The following DESI1 variants were observed in gnomAD, a reference collection of about 807,000 sequenced individuals.
The protein encoded by DESI1 is desumoylating isopeptidase 1.
In DESI1, 17 loss-of-function variants were observed where a neutral mutation model predicts 22.4. That is an observed-to-expected ratio of 0.76 (90% CI 0.52 to 1.14). The LOEUF is 1.14. Ranked by LOEUF, DESI1 falls within the 50% of genes most tolerant of loss-of-function variation. The probability of loss-of-function intolerance (pLI) is 0.00; values close to 1 mark genes in which losing one functional copy is unlikely to be tolerated. For missense variants in DESI1, 177 were observed against 208.9 expected (o/e 0.85, Z 0.94); for synonymous variants, 92 against 84.2 (o/e 1.09, Z -0.51).
chr22:41,603,897 T>A lies in DESI1; in HGVS notation c.290+147A>T, dbSNP rs2067463479. ...AACTTAGAGCTTTTTGTAGCATAAC[T>A]GCCTTTTCTTCATGTTAATTCAGCA... On this transcript the variant is annotated intron_variant, in intron 4 of 5. Coordinates refer to ENST00000263256, the MANE Select transcript of DESI1 (RefSeq NM_015704.3). 7.7e-6 allele frequency: 5 copies of A among 645,260 alleles called. No homozygotes were observed. In the South Asian group the frequency reaches 8.8e-5, roughly 11 times the overall value. The allele number at this position is 645,260 out of a possible 1,614,324, so 40.0% of individuals were successfully genotyped here.
chr22:41,615,037 G>A (rs1263409349), intron 1 of DESI1, among the ~76,000 whole-genome samples: 1 of 151,424 alleles, frequency 6.6e-6, no homozygotes, highest in Non-Finnish European at 1.5e-5. Context: ...AGTGGCTCAC[G>A]CCTGTAATCC....
rs1411943006 is a variant in DESI1 at position 41,607,268 on chromosome 22, G to A, written c.174C>T (p.Cys58=). The A allele has an allele frequency of 1.2e-6, 2 of 1,609,426 alleles. No homozygotes were observed. Among genetic ancestry groups the A allele is most frequent in the Admixed American group, 1.7e-5 (1 of 59,510 alleles). The stretch of plus-strand genomic sequence containing the variant: ...TGTAGGGGAAGACACTCACCGGGGG[G>A]CAGCTGGAGATACCACCACTGCCGA... ...FFFGSGGISS[C]PPGGTLLGPP... The change falls in exon 3 of 6, where the codon TGC becomes TGT. Residue 58 remains cysteine, a synonymous_variant. Coordinates refer to ENST00000263256, the MANE Select transcript of DESI1 (RefSeq NM_015704.3).
In DESI1 at chr22:41,598,773, CAG is replaced by C. The variant is rs1314947857; in HGVS notation, c.*2322_*2323del. 6.6e-6 allele frequency: 1 copy of C among 152,352 alleles called. No homozygotes were observed. Among genetic ancestry groups the C allele is most frequent in the African/African-American group, 2.4e-5 (1 of 41,450 alleles). The allele number at this position is 152,352 out of a possible 1,614,324, so 9.4% of individuals were successfully genotyped here. A position where few individuals can be genotyped will look rare whatever the true frequency, so the allele number is the denominator to read the frequency against. ...AAAAGGGAACAACACTGGTGGGAAA[CAG>C]AGCACTGGCCAAGACCAACCTGCTA... On this transcript the variant is annotated 3_prime_UTR_variant, in exon 6 of 6. Coordinates refer to ENST00000263256, the MANE Select transcript of DESI1 (RefSeq NM_015704.3).
At chr22:41,608,654 G>C (rs2067496610) in intron 1 of DESI1, among the ~76,000 whole-genome samples, 1 of 152,166 alleles carries the variant, frequency 6.6e-6, no homozygotes, top group African/African-American at 2.4e-5. Flanking sequence ...AAAGCGGGCA[G>C]GCCTGGACTC....
At chr22:41,619,166 A>C (rs1321586155) in intron 1 of DESI1, among the ~76,000 whole-genome samples, 1 of 152,204 alleles carries the variant, frequency 6.6e-6, no homozygotes, top group African/African-American at 2.4e-5. Context: ...GATGTGCCTC[A>C]ATCATTTTAA....
intron 1 of DESI1, among the ~76,000 whole-genome samples, chr22:41,609,397 G>A (rs1191244230): frequency 6.6e-6 from 1 of 152,220 alleles, no homozygotes. Context: ...TGTATAGAAA[G>A]CTTCACAGTA....
In DESI1 at chr22:41,598,327, G is replaced by C. The variant is rs1248656703; in HGVS notation, c.*2770C>G. 6.6e-6 allele frequency: 1 copy of C among 152,310 alleles called. No individual in the cohort carries two copies. The highest frequency in any genetic ancestry group is 2.4e-5 in the African/African-American group (1 of 41,460). The allele number at this position is 152,310 out of a possible 1,614,324, so 9.4% of individuals were successfully genotyped here. On this transcript the variant is annotated 3_prime_UTR_variant, in exon 6 of 6. Transcript: ENST00000263256. ...AATGAGAATGCTCCTGAGGTGCTGG[G>C]ACAGACAGAAATATGAGGATGGGGG...
chr22:41,610,371 G>C, intron 1 of DESI1, among the ~76,000 whole-genome samples: 1 of 148,378 alleles, frequency 6.7e-6, no homozygotes, highest in Non-Finnish European at 1.5e-5. Context: ...AACAGGGTGA[G>C]ACTCTGTCTC....
At chr22:41,604,219 C>A in intron 3 of DESI1, 66 bp from the exon 4 acceptor site, 1 of 1,299,210 alleles carries the variant, frequency 7.7e-7, no homozygotes, top group Non-Finnish European at 1.1e-6. Context: ...AATGTGGCTT[C>A]CCACAGTAGA....
Position 41,603,325 on chromosome 22 carries a change from G to A in DESI1, c.347C>T (p.Ala116Val). 6.2e-7 allele frequency: 1 copy of A among 1,614,260 alleles called. No individual in the cohort carries two copies. The highest frequency in any genetic ancestry group is 8.5e-7 in the Non-Finnish European group (1 of 1,180,056). The stretch of plus-strand genomic sequence containing the variant: ...AATCTTCCGCCCAGTCAGGAACTGT[G>A]CCACTTCGTTGCTGAAGGTGTTACA... The part of the protein sequence containing the change: ...HNCNTFSNEV[A>V]QFLTGRKIPS... The change falls in exon 5 of 6, where the codon GCA becomes GTA. Residue 116 changes from alanine (A) to valine (V), a missense_variant. Transcript: ENST00000263256.
At chr22:41,609,669 G>A (rs965008351) in intron 1 of DESI1, among the ~76,000 whole-genome samples, 5 of 152,010 alleles carry the variant, frequency 3.3e-5, no homozygotes, top group African/African-American at 9.7e-5. Flanking sequence ...GTGGTGGCAT[G>A]CACCTGTAGT....
chr22:41,615,145 A>T (rs2067542797), intron 1 of DESI1, among the ~76,000 whole-genome samples: 1 of 146,468 alleles, frequency 6.8e-6, no homozygotes, highest in Non-Finnish European at 1.5e-5. Context: ...AAAAAAAAAT[A>T]CAGGCCGGGC....
intron 1 of DESI1, among the ~76,000 whole-genome samples, chr22:41,619,037 A>C (rs2067566407): frequency 1.3e-5 from 2 of 151,792 alleles, no homozygotes; most frequent in Non-Finnish European, 2.9e-5. Context: ...GCACTCCAGC[A>C]TGGGTGACAG....
At chr22:41,608,014 T>C (rs1436361100) in intron 1 of DESI1, among the ~76,000 whole-genome samples, 153 bp from the exon 2 acceptor site, 1 of 152,192 alleles carries the variant, frequency 6.6e-6, no homozygotes, top group African/African-American at 2.4e-5. Context: ...GTAAGGTCTT[T>C]AGGTTGTGAC....
intron 3 of DESI1, among the ~76,000 whole-genome samples, chr22:41,604,647 C>G (rs2067468816): frequency 6.6e-6 from 1 of 151,902 alleles, no homozygotes; most frequent in South Asian, 2.1e-4. Context: ...GTGTCCAATC[C>G]TTTGGCTTCC....
intron 3 of DESI1, among the ~76,000 whole-genome samples, chr22:41,605,424 G>T (rs1482222940): frequency 6.6e-6 from 1 of 152,144 alleles, no homozygotes; most frequent in Non-Finnish European, 1.5e-5. Context: ...GAACAAATCT[G>T]GGAAGGGATA....
chr22:41,614,921 A>T (rs1216942961), intron 1 of DESI1, among the ~76,000 whole-genome samples: 4 of 150,306 alleles, frequency 2.7e-5, no homozygotes, highest in Non-Finnish European at 5.9e-5. Context: ...TTAACAAAAA[A>T]GTTCCTTTTC....
At chr22:41,603,078 G>T in intron 5 of DESI1, 181 bp downstream of exon 5, 1 of 899,138 alleles carries the variant, frequency 1.1e-6, no homozygotes, top group Non-Finnish European at 1.7e-6. Flanking sequence ...CTCTGAAGGT[G>T]GAGGTAATAC....
In DESI1 at chr22:41,600,205, G is replaced by A. The variant is rs1053481365; in HGVS notation, c.*892C>T. The A allele has an allele frequency of 1.3e-5, 2 of 152,188 alleles. No individual in the cohort carries two copies. The highest frequency in any genetic ancestry group is 2.9e-5 in the Non-Finnish European group (2 of 68,026). 9.4% of individuals were successfully genotyped at this position (152,188 alleles called of 1,614,324 possible). The stretch of plus-strand genomic sequence containing the variant: ...AAAAATAATAATAATTAAAATAAAG[G>A]TATTTTCTTAGAGTAGGGAATCCCA... On this transcript the variant is annotated 3_prime_UTR_variant, in exon 6 of 6. Coordinates refer to ENST00000263256, the MANE Select transcript of DESI1 (RefSeq NM_015704.3).
Sources: gnomAD v4.1 joint callset for allele counts (sites outside exome capture counted in the v4.1 genomes callset) on GRCh38, gnomAD v4.1.1 for gene constraint, MANE v1.5 for transcripts, NCBI Gene and HGNC (gene_info 2026-07-23, HGNC 2026-07-21) for gene names.